ARK2C: variants seen among roughly 807,000 people sequenced by gnomAD.
ARK2C encodes the protein E3 ubiquitin-protein ligase ARK2C.
chr18:46,417,283 C>T, the ARK2C span, among the ~76,000 whole-genome samples: 3 of 152,338 alleles, frequency 2.0e-5, no homozygotes, highest in African/African-American at 7.2e-5. Flanking sequence ...GAGTCAAGAC[C>T]TGTCACTTCT....
the ARK2C span, among the ~76,000 whole-genome samples, chr18:46,382,745 C>G: frequency 1.3e-5 from 2 of 152,152 alleles, no homozygotes; most frequent in Non-Finnish European, 2.9e-5. Context: ...CATGGAGTGT[C>G]CCTCTGGGTG....
the ARK2C span, among the ~76,000 whole-genome samples, chr18:46,351,009 C>T: frequency 0.57 from 85,938 of 151,972 alleles, 25,728 homozygotes; most frequent in Non-Finnish European, 0.66. Flanking sequence ...ACGCCAGCAG[C>T]GCTGAGACCA....
chr18:46,351,425 G>A, the ARK2C span, among the ~76,000 whole-genome samples: 2 of 152,156 alleles, frequency 1.3e-5, no homozygotes, highest in Non-Finnish European at 2.9e-5. Flanking sequence ...TCAAGAGCTG[G>A]CAAATAATAG....
the ARK2C span, chr18:46,334,218 C>T: frequency 1.7e-6 from 2 of 1,170,342 alleles, no homozygotes; most frequent in Non-Finnish European, 2.1e-6. The surrounding 1 kb of genome is among the most constrained non-coding windows in gnomAD (Gnocchi z 4.4). Context: ...GCCCCGGAGC[C>T]GCGCCACAAA....
At chr18:46,409,121 G>A in the ARK2C span, among the ~76,000 whole-genome samples, 1 of 152,162 alleles carries the variant, frequency 6.6e-6, no homozygotes, top group Non-Finnish European at 1.5e-5. Flanking sequence ...CATACAGGGG[G>A]TGCAATAGAA....
the ARK2C span, among the ~76,000 whole-genome samples, chr18:46,441,614 C>A: frequency 2.0e-5 from 3 of 152,114 alleles, no homozygotes; most frequent in Non-Finnish European, 4.4e-5. Context: ...TCAGGCCAGG[C>A]GCGGTGGCTC....
chr18:46,386,068 G>A, the ARK2C span: 6 of 152,302 alleles, frequency 3.9e-5, no homozygotes, highest in South Asian at 1.0e-3. Context: ...AAGTATTGGG[G>A]TTCACCCTCA....
chr18:46,450,188 A>G, the ARK2C span: 1 of 756,000 alleles, frequency 1.3e-6, no homozygotes, highest in East Asian at 2.5e-5. Context: ...AGTTCTGCCC[A>G]CAGCATCTCA....
At chr18:46,356,293 C>T in the ARK2C span, among the ~76,000 whole-genome samples, 1 of 152,162 alleles carries the variant, frequency 6.6e-6, no homozygotes, top group Admixed American at 6.5e-5. Context: ...AAGAAGCTTG[C>T]ATTCTAGTGG....
the ARK2C span, among the ~76,000 whole-genome samples, chr18:46,376,664 CTTTTTT>C: frequency 6.6e-3 from 480 of 72,256 alleles, 3 homozygotes; most frequent in African/African-American, 0.026. Flanking sequence ...GGTTAATAAT[CTTTTTT>C]TTTTTTTTTT....
chr18:46,409,625 T>A, the ARK2C span, among the ~76,000 whole-genome samples: 1 of 151,658 alleles, frequency 6.6e-6, no homozygotes, highest in East Asian at 1.9e-4. Flanking sequence ...GGTCTGGGGG[T>A]CAGGCAGTCT....
chr18:46,338,549 G>A, the ARK2C span, among the ~76,000 whole-genome samples: 1 of 152,178 alleles, frequency 6.6e-6, no homozygotes, highest in Non-Finnish European at 1.5e-5. Flanking sequence ...GAAGGGGGAA[G>A]GGGAAATCAG....
chr18:46,353,095 A>G, the ARK2C span, among the ~76,000 whole-genome samples: 1 of 152,210 alleles, frequency 6.6e-6, no homozygotes, highest in Non-Finnish European at 1.5e-5. Flanking sequence ...ATTGGATGTG[A>G]TTACTCATCT....
chr18:46,447,424 G>A, the ARK2C span: 1 of 865,438 alleles, frequency 1.2e-6, no homozygotes, highest in East Asian at 2.4e-5. Context: ...AGAGAGGAAA[G>A]GCTGGGAGAT....
At chr18:46,461,709 CAAAGAAGA>C in the ARK2C span, 1 of 148,564 alleles carries the variant, frequency 6.7e-6, no homozygotes, top group African/African-American at 2.5e-5. Flanking sequence ...AAAAGGAGAG[CAAAGAAGA>C]AGAGAAGAAT....
the ARK2C span, among the ~76,000 whole-genome samples, chr18:46,368,601 A>T: frequency 0.19 from 28,247 of 152,240 alleles, 2,845 homozygotes; most frequent in East Asian, 0.35. Context: ...TGTTCTTTTC[A>T]GGACAGCTCT....
At chr18:46,364,768 C>T in the ARK2C span, among the ~76,000 whole-genome samples, 8 of 152,270 alleles carry the variant, frequency 5.3e-5, no homozygotes, top group East Asian at 1.9e-4. Flanking sequence ...TTCTGAGGAT[C>T]GCACGGCCAC....
the ARK2C span, chr18:46,462,447 A>C: frequency 6.6e-6 from 1 of 152,542 alleles, no homozygotes; most frequent in South Asian, 2.1e-4. Flanking sequence ...GTGGAGACCG[A>C]GATTCGCCAT....
chr18:46,406,274 C>G, the ARK2C span, among the ~76,000 whole-genome samples: 3 of 152,226 alleles, frequency 2.0e-5, no homozygotes, highest in Non-Finnish European at 4.4e-5. Context: ...GCCACTGTCA[C>G]GGGACTGGAT....
Sources: allele counts gnomAD v4.1 joint callset (sites outside exome capture counted in the v4.1 genomes callset), GRCh38; gene constraint gnomAD v4.1.1; non-coding constraint Gnocchi (gnomAD v3.1); transcripts MANE v1.5; gene names NCBI Gene and HGNC (gene_info 2026-07-23, HGNC 2026-07-21).